The following MYO16 variants were observed in gnomAD, a reference collection of about 807,000 sequenced individuals.
MYO16 encodes the protein myosin XVI.
A neutral mutation model predicts 205.3 loss-of-function variants in MYO16; 94 were observed. The observed-to-expected ratio is 0.46, with a 90% CI of 0.39 to 0.54. The LOEUF is 0.54. Among genes scored for constraint, MYO16 ranks in the 20% least tolerant of loss-of-function variants. The pLI, the probability that MYO16 is intolerant of heterozygous loss-of-function variation, is 0.00. For missense variants in MYO16, 2,315 were observed against 2,387.5 expected (o/e 0.97, Z 0.63); for synonymous variants, 988 against 954.0 (o/e 1.04, Z -0.66).
chr13:108,811,465 T>A (rs1243742857), intron 7 of MYO16, among the ~76,000 whole-genome samples: 2 of 151,744 alleles, frequency 1.3e-5, no homozygotes, highest in Non-Finnish European at 2.9e-5. Flanking sequence ...CCAAGCCTCC[T>A]CTCTGTTCCT....
upstream of MYO16, chr13:108,629,374 C>G (rs920574292): frequency 1.3e-5 from 2 of 153,432 alleles, no homozygotes; most frequent in African/African-American, 4.8e-5. Context: ...ACAGTGTGCA[C>G]GAAGAAGATT....
chr13:108,960,841 A>T (rs1055017563), intron 17 of MYO16, among the ~76,000 whole-genome samples: 7 of 152,028 alleles, frequency 4.6e-5, no homozygotes, highest in Non-Finnish European at 7.4e-5. Flanking sequence ...TTAAGGTCTC[A>T]TTTTTTTTAT....
chr13:109,004,466 A>C (rs1457819941), intron 21 of MYO16, among the ~76,000 whole-genome samples: 2 of 152,244 alleles, frequency 1.3e-5, no homozygotes, highest in Non-Finnish European at 2.9e-5. Context: ...TTTCTGAAGC[A>C]AAGTGAAATA....
intron 1 of MYO16, among the ~76,000 whole-genome samples, chr13:108,656,041 G>A (rs1881228343): frequency 6.6e-6 from 1 of 152,122 alleles, no homozygotes; most frequent in African/African-American, 2.4e-5. Flanking sequence ...AAGACTTTGG[G>A]GGATTGTTGG....
At chr13:109,200,922 G>A (rs964017906) in intron 34 of MYO16, among the ~76,000 whole-genome samples, 2 of 152,066 alleles carry the variant, frequency 1.3e-5, no homozygotes, top group Non-Finnish European at 2.9e-5. Context: ...GATGTATTTT[G>A]TGCTTGGTGT....
At chr13:109,132,537 G>A (rs964883455) in intron 31 of MYO16, among the ~76,000 whole-genome samples, 2 of 152,174 alleles carry the variant, frequency 1.3e-5, no homozygotes, top group African/African-American at 4.8e-5. Flanking sequence ...ACATGTTACA[G>A]AAATCTATTT....
At chr13:108,744,973 C>G (rs7328902) in intron 4 of MYO16, among the ~76,000 whole-genome samples, 69,146 of 151,902 alleles carry the variant, frequency 0.46, 15,861 homozygotes, top group East Asian at 0.55. Flanking sequence ...GTGATTAGAA[C>G]CATAATATTA....
chr13:108,994,602 T>C (rs1026863621), intron 21 of MYO16, among the ~76,000 whole-genome samples: 8 of 152,202 alleles, frequency 5.3e-5, no homozygotes, highest in South Asian at 2.1e-4. Context: ...ACAAAATGCT[T>C]AACAAATCAA....
intron 16 of MYO16, among the ~76,000 whole-genome samples, chr13:108,957,187 C>T (rs1224288081): frequency 6.6e-6 from 1 of 151,830 alleles, no homozygotes; most frequent in Non-Finnish European, 1.5e-5. Flanking sequence ...AGTTTGAGAC[C>T]AGCCTGAACA....
chr13:109,109,021 A>G (rs1260972202), intron 28 of MYO16, among the ~76,000 whole-genome samples: 2 of 152,194 alleles, frequency 1.3e-5, no homozygotes, highest in East Asian at 3.8e-4. Context: ...GAATTAATAA[A>G]GAATTGAGTT....
At chr13:109,099,962 C>T (rs1219458248) in intron 27 of MYO16, among the ~76,000 whole-genome samples, 3 of 152,224 alleles carry the variant, frequency 2.0e-5, no homozygotes, top group African/African-American at 7.2e-5. Context: ...CATTGCGTTT[C>T]CTTCGGCTTG....
chr13:108,760,383 C>CT, intron 4 of MYO16, among the ~76,000 whole-genome samples: 1 of 107,022 alleles, frequency 9.3e-6, no homozygotes, highest in East Asian at 3.4e-4. Context: ...CATCACATGC[C>CT]TCTTGCTTCT....
intron 7 of MYO16, 84 bp from the exon 8 acceptor site, chr13:108,820,253 G>C (rs2146327): frequency 0.97 from 961,492 of 994,656 alleles, 469,989 homozygotes; most frequent in Non-Finnish European, 1. Flanking sequence ...CCGGCTGTTA[G>C]TTGGACAGCA....
chr13:108,620,507 G>A (rs956102445), intron 1 of MYO16, among the ~76,000 whole-genome samples: 3 of 152,150 alleles, frequency 2.0e-5, no homozygotes, highest in African/African-American at 7.2e-5. Flanking sequence ...GTCTGTGGGT[G>A]GAACTTCTGG....
intron 1 of MYO16, among the ~76,000 whole-genome samples, chr13:108,665,646 T>C (rs1391614492): frequency 1.3e-5 from 2 of 152,220 alleles, no homozygotes; most frequent in African/African-American, 2.4e-5. Context: ...TGTGTTGAGC[T>C]TAACTACATA....
chr13:109,044,967 C>T (rs1333048482), intron 23 of MYO16, among the ~76,000 whole-genome samples: 1 of 152,122 alleles, frequency 6.6e-6, no homozygotes, highest in Non-Finnish European at 1.5e-5. Flanking sequence ...GGATTACAAG[C>T]GTGAGCCACC....
At chr13:108,704,586 A>G (rs1286211292) in intron 2 of MYO16, among the ~76,000 whole-genome samples, 1 of 152,290 alleles carries the variant, frequency 6.6e-6, no homozygotes, top group Non-Finnish European at 1.5e-5. Context: ...GAGATTTTCC[A>G]TATAGCCCCT....
At chr13:109,003,532 T>A (rs9514955) in intron 21 of MYO16, among the ~76,000 whole-genome samples, 23,876 of 152,128 alleles carry the variant, frequency 0.16, 2,236 homozygotes, top group Non-Finnish European at 0.21. Context: ...GCCACATCCA[T>A]TTCTGTTATC....
chr13:108,901,327 C>T (rs948457480), intron 15 of MYO16, among the ~76,000 whole-genome samples: 14 of 152,148 alleles, frequency 9.2e-5, no homozygotes, highest in African/African-American at 3.4e-4. Flanking sequence ...TTTTACGGCT[C>T]AGGGGGCATC....
Sources: gnomAD v4.1 joint callset for allele counts (sites outside exome capture counted in the v4.1 genomes callset) on GRCh38, gnomAD v4.1.1 for gene constraint, MANE v1.5 for transcripts, NCBI Gene and HGNC (gene_info 2026-07-23, HGNC 2026-07-21) for gene names.